STX16: variants seen among roughly 807,000 people sequenced by gnomAD.
STX16 encodes syntaxin-16.
Under a neutral mutation model 42.7 loss-of-function variants are expected in STX16, and 28 were observed. The observed-to-expected ratio is 0.66, with a 90% CI of 0.49 to 0.90. The LOEUF is 0.90. Among genes scored for constraint, STX16 ranks in the 40% least tolerant of loss-of-function variants. The pLI is 0.00. For synonymous variants in STX16, 156 were observed against 155.2 expected (o/e 1.00, Z -0.04); for missense variants, 361 against 420.9 (o/e 0.86, Z 1.24).
chr20:58,653,144 G>T (rs747794449), intron 1 of STX16, among the ~76,000 whole-genome samples: 1 of 152,220 alleles, frequency 6.6e-6, no homozygotes. Context: ...AATAGAAGCA[G>T]CGTTGGAACA....
chr20:58,652,371 A>ACCCCCCCCCCCCC (rs11481928), intron 1 of STX16: 75 of 462,028 alleles, frequency 1.6e-4, no homozygotes, highest in African/African-American at 6.0e-4. Context: ...CTTCCGCAGC[A>ACCCCCCCCCCCCC]CCCCCCCCCC....
intron 2 of STX16, among the ~76,000 whole-genome samples, chr20:58,660,120 G>A (rs1344330094): frequency 2.6e-5 from 4 of 152,214 alleles, no homozygotes; most frequent in African/African-American, 9.7e-5. Context: ...TGCACCTGGA[G>A]CTATTGTCAC....
chr20:58,655,885 T>TA (rs2083574664), intron 1 of STX16, among the ~76,000 whole-genome samples: 1 of 152,232 alleles, frequency 6.6e-6, no homozygotes, highest in South Asian at 2.1e-4. Flanking sequence ...TTAGTTGTAT[T>TA]AAAGTTAGTA....
chr20:58,667,011 C>T (rs1196025854), intron 2 of STX16, among the ~76,000 whole-genome samples: 5 of 151,898 alleles, frequency 3.3e-5, no homozygotes, highest in Non-Finnish European at 7.4e-5. Flanking sequence ...CCAAAATAAG[C>T]TAAGTGTATT....
intron 6 of STX16, 92 bp downstream of exon 6, chr20:58,670,695 A>T (rs1233373068): frequency 3.8e-6 from 4 of 1,039,816 alleles, no homozygotes; most frequent in Non-Finnish European, 6.0e-6. Context: ...GTGCAGTGTC[A>T]GTGGATTGAT....
In STX16 at chr20:58,677,908, T is replaced by C. The variant is rs2084171820; in HGVS notation, c.*1617T>C. ...TATTACTGATGTGGCTGTGGAATGA[T>C]AAGGTCCTAGAGGGGCCCTGGCATT... On this transcript the variant is annotated 3_prime_UTR_variant, in exon 9 of 9. Coordinates refer to ENST00000371141, the MANE Select transcript of STX16 (RefSeq NM_001001433.3). The C allele has an allele frequency of 6.6e-6, 1 of 152,176 alleles. No homozygotes were observed. The highest frequency in any genetic ancestry group is 1.5e-5 in the Non-Finnish European group (1 of 68,042). 9.4% of individuals were successfully genotyped at this position (152,176 alleles called of 1,614,324 possible).
At chr20:58,664,978 C>T (rs1305782128) in intron 2 of STX16, among the ~76,000 whole-genome samples, 1 of 152,206 alleles carries the variant, frequency 6.6e-6, no homozygotes, top group Non-Finnish European at 1.5e-5. Flanking sequence ...TTTGTATAAA[C>T]AGCTGGAGTT....
At chr20:58,666,359 A>G (rs190903433) in intron 2 of STX16, among the ~76,000 whole-genome samples, 20 of 151,682 alleles carry the variant, frequency 1.3e-4, no homozygotes, top group Middle Eastern at 3.4e-3. Context: ...CACTGCCTGC[A>G]GGCAAGAAAA....
chr20:58,666,761 G>A (rs148548486), intron 2 of STX16, among the ~76,000 whole-genome samples: 217 of 152,196 alleles, frequency 1.4e-3, no homozygotes, highest in African/African-American at 5.1e-3. Context: ...GCTTTCTACC[G>A]CAGTGTGTTA....
chr20:58,656,094 C>CA (rs1245210674), intron 1 of STX16, among the ~76,000 whole-genome samples: 2 of 152,196 alleles, frequency 1.3e-5, no homozygotes, highest in Non-Finnish European at 2.9e-5. Flanking sequence ...GCTGCAGGCT[C>CA]AGAGTGTGTC....
intron 1 of STX16, among the ~76,000 whole-genome samples, chr20:58,659,413 T>TA (rs2083648331): frequency 6.6e-6 from 1 of 151,096 alleles, no homozygotes; most frequent in Admixed American, 6.6e-5. Context: ...CCACAGTAAA[T>TA]AAAAATTAAA....
At chr20:58,653,804 A>AT (rs901819070) in intron 1 of STX16, among the ~76,000 whole-genome samples, 3 of 151,758 alleles carry the variant, frequency 2.0e-5, no homozygotes, top group African/African-American at 4.8e-5. Context: ...TTATTTTTCA[A>AT]TTTTTAATCA....
intron 5 of STX16, among the ~76,000 whole-genome samples, 195 bp from the exon 6 acceptor site, chr20:58,670,313 CCCAA>C (rs1248649417): frequency 6.6e-6 from 1 of 152,150 alleles, no homozygotes; most frequent in Non-Finnish European, 1.5e-5. Context: ...CTTGAGTAAT[CCCAA>C]ATGCCTGCAT....
At chr20:58,652,281 C>T in intron 1 of STX16, 143 bp downstream of exon 1, 2 of 1,227,574 alleles carry the variant, frequency 1.6e-6, no homozygotes, top group East Asian at 2.7e-5. Flanking sequence ...TGGCTAGAGT[C>T]AGGGGGCATC....
intron 5 of STX16, among the ~76,000 whole-genome samples, chr20:58,669,748 A>G (rs1217250256): frequency 6.6e-6 from 1 of 152,216 alleles, no homozygotes; most frequent in Admixed American, 6.5e-5. Context: ...AACCAAGCAC[A>G]TTTTAAAAAC....
chr20:58,660,152 C>G (rs6092668), intron 2 of STX16, among the ~76,000 whole-genome samples: 2,380 of 152,308 alleles, frequency 0.016, 56 homozygotes, highest in African/African-American at 0.054. Context: ...TCTGCATCTC[C>G]TAGCTGGGGG....
intron 2 of STX16, among the ~76,000 whole-genome samples, chr20:58,660,565 G>A (rs1204884081): frequency 6.6e-6 from 1 of 152,080 alleles, no homozygotes; most frequent in Non-Finnish European, 1.5e-5. Context: ...TTGGGAACTG[G>A]TTAAATATAT....
intron 7 of STX16, among the ~76,000 whole-genome samples, chr20:58,671,970 T>G (rs886626909): frequency 6.6e-6 from 1 of 151,876 alleles, no homozygotes; most frequent in African/African-American, 2.4e-5. Flanking sequence ...ATGCCACAGG[T>G]GGAAAATCCC....
intron 7 of STX16, among the ~76,000 whole-genome samples, chr20:58,672,350 A>G (rs1246906680): frequency 6.6e-6 from 1 of 152,006 alleles, no homozygotes; most frequent in East Asian, 1.9e-4. Context: ...ATATATATAT[A>G]TATTGTATAA....
Sources: allele counts gnomAD v4.1 joint callset (sites outside exome capture counted in the v4.1 genomes callset), GRCh38; gene constraint gnomAD v4.1.1; transcripts MANE v1.5; gene names NCBI Gene and HGNC (gene_info 2026-07-23, HGNC 2026-07-21).